SHISA9: variants seen among roughly 807,000 people sequenced by gnomAD.
SHISA9 encodes protein shisa-9.
SHISA9 carries 13 observed loss-of-function variants against 38.0 expected under a neutral mutation model. That is an observed-to-expected ratio of 0.34 (90% CI 0.22 to 0.54). The LOEUF is 0.54. Among genes scored for constraint, SHISA9 ranks in the 20% least tolerant of loss-of-function variants. The probability of loss-of-function intolerance (pLI) is 0.91; values close to 1 mark genes in which losing one functional copy is unlikely to be tolerated. For synonymous variants in SHISA9, 275 were observed against 242.0 expected, an observed-to-expected ratio of 1.14 and a Z score of -1.27; for missense variants, 538 against 575.8, an observed-to-expected ratio of 0.93 and a Z score of 0.67.
chr16:13,044,468 T>C (rs984563863), intron 2 of SHISA9, among the ~76,000 whole-genome samples: 3 of 152,172 alleles, frequency 2.0e-5, no homozygotes, highest in African/African-American at 7.2e-5. Context: ...GCCTAATAAG[T>C]GTTGGCCATA....
chr16:13,275,228 T>C, the SHISA9 span, among the ~76,000 whole-genome samples: 14,963 of 152,154 alleles, frequency 0.098, 759 homozygotes, highest in South Asian at 0.18. Context: ...GTTGTTTTTC[T>C]TTTTAGATCT....
the SHISA9 span, among the ~76,000 whole-genome samples, chr16:13,289,744 T>C: frequency 1.3e-5 from 2 of 152,150 alleles, no homozygotes; most frequent in East Asian, 1.9e-4. Context: ...TCTGGGAGCA[T>C]TGAGTTTCAG....
At chr16:13,167,231 C>T (rs1335935840) in intron 2 of SHISA9, among the ~76,000 whole-genome samples, 1 of 151,902 alleles carries the variant, frequency 6.6e-6, no homozygotes, top group Non-Finnish European at 1.5e-5. Flanking sequence ...CACCGCCACA[C>T]CTGGCTAATT....
chr16:12,923,753 A>AT (rs890677283), intron 2 of SHISA9, among the ~76,000 whole-genome samples: 2 of 151,940 alleles, frequency 1.3e-5, no homozygotes, highest in African/African-American at 2.4e-5. Context: ...AGGCAGGAGA[A>AT]TGGCATGAAT....
chr16:13,180,694 T>C (rs765077160), intron 2 of SHISA9, among the ~76,000 whole-genome samples: 11 of 152,042 alleles, frequency 7.2e-5, no homozygotes, highest in Admixed American at 2.0e-4. Flanking sequence ...TGAGACCCTG[T>C]CTCTAAATAA....
chr16:13,178,330 T>G (rs939317113), intron 2 of SHISA9, among the ~76,000 whole-genome samples: 3 of 151,842 alleles, frequency 2.0e-5, no homozygotes, highest in Admixed American at 6.6e-5. Flanking sequence ...CTCTGGGTTT[T>G]TTTTTTTTTT....
chr16:13,462,513 A>G, the SHISA9 span, among the ~76,000 whole-genome samples: 6 of 152,114 alleles, frequency 3.9e-5, no homozygotes, highest in Non-Finnish European at 7.4e-5. Flanking sequence ...TTCTGGGACC[A>G]TCTAAGGTAC....
At chr16:12,955,633 TA>T (rs5815731) in intron 2 of SHISA9, among the ~76,000 whole-genome samples, 39,244 of 139,360 alleles carry the variant, frequency 0.28, 5,405 homozygotes, top group African/African-American at 0.38. Flanking sequence ...TTCAACAAAG[TA>T]AAAAAAAAAA....
chr16:13,270,654 T>G, the SHISA9 span, among the ~76,000 whole-genome samples: 6 of 152,226 alleles, frequency 3.9e-5, no homozygotes, highest in Admixed American at 1.3e-4. Flanking sequence ...ATTGGTTGTA[T>G]GACCTTGCCC....
chr16:13,115,597 A>G (rs911477775), intron 2 of SHISA9, among the ~76,000 whole-genome samples: 2 of 152,202 alleles, frequency 1.3e-5, no homozygotes, highest in African/African-American at 4.8e-5. Flanking sequence ...GCAATTATGG[A>G]CATGTTACAG....
the SHISA9 span, among the ~76,000 whole-genome samples, chr16:13,467,787 C>T: frequency 6.6e-6 from 1 of 152,304 alleles, no homozygotes. Flanking sequence ...GGATCTTGGG[C>T]CACCAGCCAT....
chr16:12,937,228 A>T (rs977922665), intron 2 of SHISA9, among the ~76,000 whole-genome samples: 1 of 152,164 alleles, frequency 6.6e-6, no homozygotes, highest in African/African-American at 2.4e-5. Flanking sequence ...TAGTACATTT[A>T]AAAAAATTAA....
At chr16:13,120,809 A>AT (rs2050202453) in intron 2 of SHISA9, among the ~76,000 whole-genome samples, 2 of 152,172 alleles carry the variant, frequency 1.3e-5, no homozygotes. Context: ...TGCCTTTTAA[A>AT]TGCCTGTATG....
chr16:13,389,012 C>A, the SHISA9 span, among the ~76,000 whole-genome samples: 1 of 152,076 alleles, frequency 6.6e-6, no homozygotes, highest in Non-Finnish European at 1.5e-5. Context: ...CACGCATAGC[C>A]TCCCCTGTCA....
At chr16:12,916,640 C>T (rs1567338117) in intron 1 of SHISA9, 48 bp from the exon 2 acceptor site, 3 of 1,533,708 alleles carry the variant, frequency 2.0e-6, no homozygotes, top group South Asian at 1.2e-5. Context: ...TAGCAGCTGC[C>T]AGTCATTGTG....
chr16:12,946,689 G>T (rs1413289459), intron 2 of SHISA9, among the ~76,000 whole-genome samples: 1 of 152,212 alleles, frequency 6.6e-6, no homozygotes, highest in Admixed American at 6.5e-5. Context: ...TGGAGGTTGG[G>T]GGCCGAGTAA....
At chr16:13,262,715 A>C in the SHISA9 span, among the ~76,000 whole-genome samples, 1 of 149,990 alleles carries the variant, frequency 6.7e-6, no homozygotes, top group Non-Finnish European at 1.5e-5. Context: ...GAAGGAAAGA[A>C]GGAAGAGGCA....
At chr16:13,381,423 A>C in the SHISA9 span, among the ~76,000 whole-genome samples, 1 of 152,194 alleles carries the variant, frequency 6.6e-6, no homozygotes, top group Non-Finnish European at 1.5e-5. Context: ...AAATGAGGCA[A>C]CTCTCAACTC....
At chr16:13,300,130 T>A in the SHISA9 span, among the ~76,000 whole-genome samples, 1 of 151,894 alleles carries the variant, frequency 6.6e-6, no homozygotes, top group Admixed American at 6.6e-5. Flanking sequence ...GAATGAGAGG[T>A]GATGGAGGCA....
Sources: gnomAD v4.1 joint callset for allele counts (sites outside exome capture counted in the v4.1 genomes callset) on GRCh38, gnomAD v4.1.1 for gene constraint, MANE v1.5 for transcripts, NCBI Gene and HGNC (gene_info 2026-07-23, HGNC 2026-07-21) for gene names.